KLHL11: variants seen among roughly 807,000 people sequenced by gnomAD.
KLHL11 encodes the protein kelch like family member 11, also known as kelch-like protein 11.
A neutral mutation model predicts 56.1 loss-of-function variants in KLHL11; 26 were observed. The observed-to-expected ratio is 0.46, with a 90% CI of 0.34 to 0.64. KLHL11 has a LOEUF of 0.64. KLHL11 is among the 30% of genes least tolerant of loss of function. The pLI, the probability that KLHL11 is intolerant of heterozygous loss-of-function variation, is 0.01. For missense variants in KLHL11, 627 were observed against 919.4 expected (o/e 0.68, Z 4.11); for synonymous variants, 338 against 345.8 (o/e 0.98, Z 0.25).
At chr17:41,862,626 G>C (rs766579753) in intron 1 of KLHL11, among the ~76,000 whole-genome samples, 8 of 151,864 alleles carry the variant, frequency 5.3e-5, no homozygotes, top group Non-Finnish European at 1.0e-4. Context: ...ATGTTGGCCA[G>C]GCTGGTCAAG....
At chr17:41,858,408 T>A (rs35618220) in intron 1 of KLHL11, among the ~76,000 whole-genome samples, 102,042 of 143,802 alleles carry the variant, frequency 0.71, 35,987 homozygotes, top group East Asian at 0.81. Context: ...ATATATATTT[T>A]TTGTTGTTGT....
At chr17:41,856,595 T>TC (rs1160566818) in intron 1 of KLHL11, among the ~76,000 whole-genome samples, 1 of 152,164 alleles carries the variant, frequency 6.6e-6, no homozygotes, top group East Asian at 1.9e-4. Context: ...AAAGTATGTT[T>TC]AAAAGCACAT....
chr17:41,854,279 C>G lies in KLHL11; in HGVS notation c.1588G>C (p.Glu530Gln). Residue 530 changes from glutamate (E) to glutamine (Q), a missense_variant, in exon 2 of 2, where the codon GAG (glutamate) becomes CAG (glutamine). Around this residue, in one of 4 missense-constraint regions of KLHL11, gnomAD observed 250 missense variants for 360.6 expected, o/e 0.69. Transcript: ENST00000319121. This position sits in a 1 kb window ranked among gnomAD's most constrained non-coding sequence, Gnocchi z 4.9. ...LKAVITCYDT[E>Q]TRQWQDVESL... ...TCCACATCTTGCCACTGTCGAGTCT[C>G]TGTATCATAGCAAGTAATTACAGCC... 1 of 1,614,208 alleles carries G rather than the reference C, an allele frequency of 6.2e-7. No homozygotes were observed. The highest frequency in any genetic ancestry group is 1.1e-5 in the South Asian group (1 of 91,076).
rs782551807 is a variant in KLHL11 at position 41,865,094 on chromosome 17, A to G, written c.277T>C (p.Phe93Leu). ...CCGAAGCACAGGGTAATGTCGCAGAAGAGGCCCTGGCGCCGCTGCTCGTTC... is the reference window on the plus strand; with the variant it reads ...CCGAAGCACAGGGTAATGTCGCAGAGGAGGCCCTGGCGCCGCTGCTCGTTC... ...RQNEQRRQGL[F>L]CDITLCFGGA... The change falls in exon 1 of 2, where the codon TTC becomes CTC. Residue 93 changes from phenylalanine (F) to leucine (L), a missense_variant. This residue lies in a region of KLHL11 where 150 missense variants were observed against 215.7 expected (regional missense o/e 0.70). Coordinates refer to ENST00000319121, the MANE Select transcript of KLHL11 (RefSeq NM_018143.3). 1.1e-5 allele frequency: 17 copies of G among 1,603,076 alleles called. No individual in the cohort carries two copies. Among genetic ancestry groups the G allele is most frequent in the Non-Finnish European group, 1.4e-5 (16 of 1,173,788 alleles).
chr17:41,850,778 A>G lies in KLHL11; in HGVS notation c.*2962T>C, dbSNP rs2048327995. The G allele has an allele frequency of 6.6e-6, 1 of 152,220 alleles. No homozygotes were observed. Among genetic ancestry groups the G allele is most frequent in the Non-Finnish European group, 1.5e-5 (1 of 68,032 alleles). 9.4% of individuals were successfully genotyped at this position (152,220 alleles called of 1,614,324 possible). A position where few individuals can be genotyped will look rare whatever the true frequency, so the allele number is the denominator to read the frequency against. On this transcript the variant is annotated 3_prime_UTR_variant, in exon 2 of 2. Coordinates refer to ENST00000319121, the MANE Select transcript of KLHL11 (RefSeq NM_018143.3). ...AAAGGTAGTGGTGGGATGGGACAAT[A>G]TAATAATATATCCTTATATGTAGAA...
In KLHL11 at chr17:41,853,722, C is replaced by A. The variant is rs782167307; in HGVS notation, c.*18G>T. 2 of 1,587,974 alleles carry A rather than the reference C, an allele frequency of 1.3e-6. No individual in the cohort carries two copies. The highest frequency in any genetic ancestry group is 8.6e-7 in the Non-Finnish European group (1 of 1,164,470). ...ACGAAACGGGTGTAACAGTTTTAATCGGCACGCTTGAGAGAACCTAGCATT... is the reference window on the plus strand; with the variant it reads ...ACGAAACGGGTGTAACAGTTTTAATAGGCACGCTTGAGAGAACCTAGCATT... On this transcript the variant is annotated 3_prime_UTR_variant, in exon 2 of 2. Transcript: ENST00000319121.
At position 41,854,369 on chromosome 17, in the gene KLHL11, C is replaced by T; in HGVS notation, c.1498G>A (p.Glu500Lys). ...ILRDVKALAIEDRFVYIAART... is the reference protein window; with the variant it reads ...ILRDVKALAIKDRFVYIAART... ...GCGGCAATGTATACAAACCGGTCTT[C>T]AATGGCTAGTGCTTTGACATCTCGA... Residue 500 changes from glutamate to lysine, a missense_variant, in exon 2 of 2, where the codon GAA (glutamate) becomes AAA (lysine). This residue lies in a region of KLHL11 where 250 missense variants were observed against 360.6 expected (regional missense o/e 0.69). Transcript: ENST00000319121. This position sits in a 1 kb window ranked among gnomAD's most constrained non-coding sequence, Gnocchi z 4.9. 1.2e-6 allele frequency: 2 copies of T among 1,614,168 alleles called. No individual in the cohort carries two copies. The highest frequency in any genetic ancestry group is 1.7e-6 in the Non-Finnish European group (2 of 1,180,038).
At position 41,852,475 on chromosome 17, in the gene KLHL11, G is replaced by A. The variant is rs2048337128; in HGVS notation, c.*1265C>T. 6.6e-6 allele frequency among the ~76,000 whole-genome samples: 1 copy of A among 151,708 alleles called. No homozygotes were observed. The highest frequency in any genetic ancestry group is 1.5e-5 in the Non-Finnish European group (1 of 67,900). The stretch of plus-strand genomic sequence containing the variant: ...TAAATTGTGACTTCCTTCCCATTTT[G>A]GAAAAAAACAGTTTCTTGTAGAAAA... On this transcript the variant is annotated 3_prime_UTR_variant, in exon 2 of 2. Coordinates refer to ENST00000319121, the MANE Select transcript of KLHL11 (RefSeq NM_018143.3).
intron 1 of KLHL11, among the ~76,000 whole-genome samples, chr17:41,860,387 T>A (rs1216453930): frequency 7.8e-6 from 1 of 127,948 alleles, no homozygotes; most frequent in Non-Finnish European, 1.6e-5. Context: ...CAGACATATG[T>A]ACTTAGGGGT....
chr17:41,854,137 A>C lies in KLHL11; in HGVS notation c.1730T>G (p.Val577Gly). ...AGACACTTGGCTGGCAATTTTTCTTACTGCCTCTTCGTTTTCTAAACAATA... is the reference window on the plus strand; with the variant it reads ...AGACACTTGGCTGGCAATTTTTCTTCCTGCCTCTTCGTTTTCTAAACAATA... ...KSYCLENEEAVRKIASQVSDE... is the reference protein window; with the variant it reads ...KSYCLENEEAGRKIASQVSDE... The change falls in exon 2 of 2, where the codon GTA becomes GGA. Residue 577 changes from valine to glycine, a missense_variant. Around this residue, in one of 4 missense-constraint regions of KLHL11, gnomAD observed 250 missense variants for 360.6 expected, o/e 0.69. Transcript: ENST00000319121. The surrounding 1 kb of genome is among the most constrained non-coding windows in gnomAD (Gnocchi z 4.9). 6.2e-7 allele frequency: 1 copy of C among 1,614,088 alleles called. No individual in the cohort carries two copies. Among genetic ancestry groups the C allele is most frequent in the South Asian group, 1.1e-5 (1 of 91,072 alleles).
Position 41,853,739 on chromosome 17 carries a change from C to T in KLHL11, c.*1G>A, listed in dbSNP as rs1022561115. On this transcript the variant is annotated 3_prime_UTR_variant, in exon 2 of 2. Transcript: ENST00000319121. ...GTTTTAATCGGCACGCTTGAGAGAA[C>T]CTAGCATTCAATCTGAGAGCTTGGC... 3.7e-6 allele frequency: 6 copies of T among 1,605,240 alleles called. No homozygotes were observed. The African/African-American group carries it at 4.0e-5, about 11-fold the overall frequency.
chr17:41,862,589 T>A (rs532919338), intron 1 of KLHL11, among the ~76,000 whole-genome samples: 1 of 152,164 alleles, frequency 6.6e-6, no homozygotes, highest in South Asian at 2.1e-4. Flanking sequence ...CTAATTTTTG[T>A]ATTTTTAGTG....
chr17:41,865,230 G>A lies in KLHL11; in HGVS notation c.141C>T (p.Asp47=), dbSNP rs1187719658. 40 of 1,599,042 alleles carry A rather than the reference G, an allele frequency of 2.5e-5. No homozygotes were observed. The highest frequency in any genetic ancestry group is 3.3e-5 in the Non-Finnish European group (39 of 1,175,002). Residue 47 remains aspartate (D), a synonymous_variant, in exon 1 of 2, where the codon GAC becomes GAT. Coordinates refer to ENST00000319121, the MANE Select transcript of KLHL11 (RefSeq NM_018143.3). ...CAGAGATCCCCGGCCCAGGCCCGAAGTCCACCGTGCCGCTGCCTCGGACCT... is the reference window on the plus strand; with the variant it reads ...CAGAGATCCCCGGCCCAGGCCCGAAATCCACCGTGCCGCTGCCTCGGACCT... ...AAEVRGSGTV[D]FGPGPGISAM...
In KLHL11 at chr17:41,852,199, TAG is replaced by T. The variant is rs1344133030; in HGVS notation, c.*1539_*1540del. On this transcript the variant is annotated 3_prime_UTR_variant, in exon 2 of 2. Coordinates refer to ENST00000319121, the MANE Select transcript of KLHL11 (RefSeq NM_018143.3). ...ACTCAGCTAATTTTTCTACTTTTTG[TAG>T]AGACAGGATCTTGCTATGTTTCCCA... 2.0e-5 allele frequency among the ~76,000 whole-genome samples: 3 copies of T among 151,954 alleles called. No homozygotes were observed. Among genetic ancestry groups the T allele is most frequent in the African/African-American group, 7.2e-5 (3 of 41,382 alleles).
chr17:41,860,970 T>C (rs2048398901), intron 1 of KLHL11, among the ~76,000 whole-genome samples: 1 of 152,162 alleles, frequency 6.6e-6, no homozygotes, highest in South Asian at 2.1e-4. Flanking sequence ...TTTGCATCTG[T>C]AGAGAAAATC....
Position 41,865,046 on chromosome 17 carries a change from G to A in KLHL11, c.325C>T (p.Arg109Trp), listed in dbSNP as rs781974281. 5 of 1,587,170 alleles carry A rather than the reference G, an allele frequency of 3.2e-6. 1 individual carries two copies. In the African/African-American group the frequency reaches 4.1e-5, roughly 13 times the overall value. Residue 109 changes from arginine (R) to tryptophan (W), a missense_variant, in exon 1 of 2, where the codon CGG becomes TGG. Around this residue, in one of 4 missense-constraint regions of KLHL11, gnomAD observed 150 missense variants for 215.7 expected, o/e 0.70. Coordinates refer to ENST00000319121, the MANE Select transcript of KLHL11 (RefSeq NM_018143.3). ...CFGGAGGREF[R>W]AHRSVLAAAT... ...GCAGCCAGTACCGAGCGGTGGGCCC[G>A]GAACTCGCGGCCTCCAGCCCCGCCG...
Position 41,864,840 on chromosome 17 carries a change from C to G in KLHL11, c.531G>C (p.Leu177=). 6.5e-7 allele frequency: 1 copy of G among 1,535,474 alleles called. No homozygotes were observed. Among genetic ancestry groups the G allele is most frequent in the South Asian group, 1.2e-5 (1 of 81,006 alleles). The change falls in exon 1 of 2, where the codon CTG becomes CTC. Residue 177 remains leucine (L), a synonymous_variant. Transcript: ENST00000319121. ...CCCTCGCCTACCTGTCGGCCAACTC[C>G]AGCACCTCGTGCACGCTGCCCGTGC... ...RVSTGSVHEV[L]ELADRFLLIR...
intron 1 of KLHL11, among the ~76,000 whole-genome samples, chr17:41,859,643 G>GGAGCCTGAGGCATAAGAATTGCCT (rs2048390607): frequency 6.6e-6 from 1 of 152,112 alleles, no homozygotes; most frequent in Non-Finnish European, 1.5e-5. Context: ...CAGCTACTCA[G>GGAGCCTGAGGCATAAGAATTGCCT]GAGCCTGAGG....
At position 41,865,192 on chromosome 17, in the gene KLHL11, C is replaced by G. The variant is rs2048431829; in HGVS notation, c.179G>C (p.Ser60Thr). 1.2e-6 allele frequency: 2 copies of G among 1,609,088 alleles called. No homozygotes were observed. The highest frequency in any genetic ancestry group is 2.7e-5 in the African/African-American group (2 of 74,706). The change falls in exon 1 of 2, where the codon AGC becomes ACC. Residue 60 changes from serine to threonine, a missense_variant. Ser to Thr is a moderately conservative substitution (Grantham distance 58). Around this residue, in one of 4 missense-constraint regions of KLHL11, gnomAD observed 121 missense variants for 116.2 expected, o/e 1.04. Coordinates refer to ENST00000319121, the MANE Select transcript of KLHL11 (RefSeq NM_018143.3). ...GGCTTCTGGGCCCGGATCGCCCCCG[C>G]TCGCCTCCATTGCAGAGATCCCCGG... Reference protein sequence around the residue: ...PGPGISAMEASGGDPGPEAED... With the variant: ...PGPGISAMEATGGDPGPEAED...
Sources: allele counts gnomAD v4.1 joint callset (sites outside exome capture counted in the v4.1 genomes callset), GRCh38; gene constraint gnomAD v4.1.1; regional missense constraint gnomAD v4.1.1; non-coding constraint Gnocchi (gnomAD v3.1); transcripts MANE v1.5; gene names NCBI Gene and HGNC (gene_info 2026-07-23, HGNC 2026-07-21).